Variants in GALNT17 observed in about 807,000 individuals in gnomAD.
The protein encoded by GALNT17 is UDP-GalNAc:polypeptide N-acetylgalactosaminyltransferase-like 3.
Under a neutral mutation model 63.7 loss-of-function variants are expected in GALNT17, and 29 were observed. The observed-to-expected ratio is 0.46, with a 90% CI of 0.34 to 0.62. The LOEUF is 0.62. GALNT17 is among the 20% of genes least tolerant of loss of function. The probability of loss-of-function intolerance (pLI) is 0.01; values close to 1 mark genes in which losing one functional copy is unlikely to be tolerated. For missense variants in GALNT17, 603 were observed against 799.6 expected (o/e 0.75, Z 2.97); for synonymous variants, 305 against 318.3 (o/e 0.96, Z 0.45).
chr7:71,593,919 A>T (rs905638422), intron 6 of GALNT17, among the ~76,000 whole-genome samples: 3 of 152,186 alleles, frequency 2.0e-5, no homozygotes, highest in Non-Finnish European at 4.4e-5. Context: ...GCGCGTTCAG[A>T]TTCCAGCTCT....
At chr7:71,347,323 G>A (rs545650794) in intron 2 of GALNT17, among the ~76,000 whole-genome samples, 23 of 152,276 alleles carry the variant, frequency 1.5e-4, no homozygotes, top group African/African-American at 4.8e-4. Flanking sequence ...TGCTTAACCT[G>A]TCTGTGCCTC....
intron 1 of GALNT17, among the ~76,000 whole-genome samples, chr7:71,271,701 T>G (rs971525474): frequency 6.6e-6 from 1 of 152,236 alleles, no homozygotes; most frequent in African/African-American, 2.4e-5. Context: ...AATCCCATTT[T>G]GTGGTCAGTC....
chr7:71,313,576 G>GA (rs949796885), intron 1 of GALNT17, among the ~76,000 whole-genome samples: 1 of 151,912 alleles, frequency 6.6e-6, no homozygotes, highest in African/African-American at 2.4e-5. Flanking sequence ...GAAGCTCTGT[G>GA]AAAAAAAATA....
rs1216096179 is a variant in GALNT17 at position 71,343,116 on chromosome 7, T to C, written c.422+7383T>C. On this transcript the variant is annotated intron_variant, in intron 2 of 10. Coordinates refer to ENST00000333538, the MANE Select transcript of GALNT17 (RefSeq NM_022479.3). ...GCAAAAGTTACCAAATTAACCTCTC[T>C]TCATTGCAAACTAATCCTAGCCATC... is the stretch of plus-strand genomic sequence containing the variant. Among the ~76,000 whole-genome samples the C allele has an allele frequency of 2.6e-5, 4 of 152,232 alleles. No homozygotes were observed. The East Asian group carries it at 7.7e-4, about 29-fold the overall frequency.
chr7:71,694,939 G>A lies in GALNT17; in HGVS notation c.1501-15822G>A, dbSNP rs184574909. Among the ~76,000 whole-genome samples, 45 of 152,350 alleles carry A rather than the reference G, an allele frequency of 3.0e-4. No homozygotes were observed. In the East Asian group the frequency reaches 6.0e-3, roughly 20 times the overall value. On this transcript the variant is annotated intron_variant, in intron 9 of 10. Coordinates refer to ENST00000333538, the MANE Select transcript of GALNT17 (RefSeq NM_022479.3). Reference sequence around the variant, plus strand: ...ACAGAAAGCCAGTGCTTGCTAGCACGTCCACACTGAACCAGGATACAGCCC... The same window carrying A: ...ACAGAAAGCCAGTGCTTGCTAGCACATCCACACTGAACCAGGATACAGCCC...
chr7:71,627,808 C>A (rs532564118), intron 6 of GALNT17, among the ~76,000 whole-genome samples: 1 of 152,146 alleles, frequency 6.6e-6, no homozygotes, highest in Non-Finnish European at 1.5e-5. Context: ...AATGCCCCCC[C>A]GCCCCATAGA....
chr7:71,262,534 T>G (rs924521423), intron 1 of GALNT17, among the ~76,000 whole-genome samples: 5 of 152,172 alleles, frequency 3.3e-5, no homozygotes, highest in Non-Finnish European at 7.3e-5. Flanking sequence ...ATTCCTATGT[T>G]AAAGTCCTAA....
At chr7:71,472,814 T>C (rs1583983801) in intron 5 of GALNT17, among the ~76,000 whole-genome samples, 1 of 152,186 alleles carries the variant, frequency 6.6e-6, no homozygotes, top group African/African-American at 2.4e-5. Flanking sequence ...ATGTAGGACC[T>C]TGTGACCTTT....
intron 4 of GALNT17, among the ~76,000 whole-genome samples, chr7:71,416,304 A>G (rs550222561): frequency 6.6e-6 from 1 of 152,214 alleles, no homozygotes. Context: ...ATCGTCATCA[A>G]AATCCCCAGT....
chr7:71,310,584 A>C (rs898275244), intron 1 of GALNT17, among the ~76,000 whole-genome samples: 2 of 152,224 alleles, frequency 1.3e-5, no homozygotes, highest in Non-Finnish European at 2.9e-5. Context: ...AGATGCCTTC[A>C]AGCAGTTCAG....
chr7:71,288,905 C>T (rs1037797315), intron 1 of GALNT17, among the ~76,000 whole-genome samples: 3 of 152,254 alleles, frequency 2.0e-5, no homozygotes, highest in East Asian at 3.9e-4. Flanking sequence ...TTTAAAAGAT[C>T]GCTGAAACAT....
rs190137059 is a variant in GALNT17, at chr7:71,358,206, A to C, written c.422+22473A>C. ...ACCACGAGCCCACAGGCGGGAACCAACTGCGGACACAAAACCTCATCTCTA... is the reference window on the plus strand; with the variant it reads ...ACCACGAGCCCACAGGCGGGAACCACCTGCGGACACAAAACCTCATCTCTA... On this transcript the variant is annotated intron_variant, in intron 2 of 10. Coordinates refer to ENST00000333538, the MANE Select transcript of GALNT17 (RefSeq NM_022479.3). Among the ~76,000 whole-genome samples the C allele has an allele frequency of 3.8e-3, 574 of 152,298 alleles. 5 individuals are homozygous for C. Among genetic ancestry groups the C allele is most frequent in the African/African-American group, 0.012 (514 of 41,564 alleles).
At chr7:71,421,681 A>G (rs1177833323) in intron 5 of GALNT17, among the ~76,000 whole-genome samples, 1 of 152,120 alleles carries the variant, frequency 6.6e-6, no homozygotes, top group African/African-American at 2.4e-5. Context: ...CGGGCCTGGT[A>G]GCTCATCCCT....
At chr7:71,372,568 C>T (rs1792644770) in intron 2 of GALNT17, among the ~76,000 whole-genome samples, 1 of 152,206 alleles carries the variant, frequency 6.6e-6, no homozygotes, top group Non-Finnish European at 1.5e-5. Flanking sequence ...CCTCCCGCCT[C>T]AGCCTCCCTA....
intron 1 of GALNT17, among the ~76,000 whole-genome samples, chr7:71,315,684 T>C (rs1234304649): frequency 6.6e-6 from 1 of 152,166 alleles, no homozygotes; most frequent in African/African-American, 2.4e-5. Flanking sequence ...TAAGGCTATA[T>C]GATCAAGTGT....
chr7:71,582,185 A>G (rs911974923), intron 6 of GALNT17, among the ~76,000 whole-genome samples: 1 of 152,296 alleles, frequency 6.6e-6, no homozygotes, highest in African/African-American at 2.4e-5. Flanking sequence ...TCATTTTACA[A>G]AAAAGATACT....
intron 8 of GALNT17, among the ~76,000 whole-genome samples, chr7:71,673,965 A>G (rs1267155740): frequency 6.6e-6 from 1 of 152,160 alleles, no homozygotes; most frequent in Non-Finnish European, 1.5e-5. Context: ...GCACTGCACA[A>G]CTCCAGGAGC....
In GALNT17 at chr7:71,539,913, C is replaced by T. The variant is rs76077351; in HGVS notation, c.963-31372C>T. ...AGTAGCTGGAACTTTCTGCCCCAAC[C>T]TTCCAAGTAGCTGGCACTTCCAAGT... On this transcript the variant is annotated intron_variant, in intron 5 of 10. Coordinates refer to ENST00000333538, the MANE Select transcript of GALNT17 (RefSeq NM_022479.3). Among the ~76,000 whole-genome samples the T allele has an allele frequency of 6.5e-3, 978 of 151,138 alleles. 16 individuals carry two copies. The highest frequency in any genetic ancestry group is 0.023 in the African/African-American group (946 of 41,196).
intron 5 of GALNT17, among the ~76,000 whole-genome samples, chr7:71,534,202 C>T (rs1465616143): frequency 2.6e-5 from 4 of 152,052 alleles, no homozygotes; most frequent in Non-Finnish European, 4.4e-5. Flanking sequence ...GGGGAGGCCT[C>T]GGGAAACTTA....
Sources: gnomAD v4.1 joint callset for allele counts (sites outside exome capture counted in the v4.1 genomes callset) on GRCh38, gnomAD v4.1.1 for gene constraint, MANE v1.5 for transcripts, NCBI Gene and HGNC (gene_info 2026-07-23, HGNC 2026-07-21) for gene names.